OPCML: variants seen among roughly 807,000 people sequenced by gnomAD.
OPCML encodes the protein opioid binding protein/cell adhesion molecule like, also known as opioid-binding protein/cell adhesion molecule.
Under a neutral mutation model 37.8 loss-of-function variants are expected in OPCML, and 13 were observed. The observed-to-expected ratio is 0.34, with a 90% confidence interval of 0.22 to 0.55. The LOEUF (loss-of-function observed/expected upper bound fraction) is 0.55. OPCML is among the 20% of genes least tolerant of loss of function. The pLI, the probability that OPCML is intolerant of heterozygous loss-of-function variation, is 0.91. For missense variants in OPCML, 341 were observed against 435.6 expected (o/e 0.78, Z 1.93); for synonymous variants, 176 against 168.8 (o/e 1.04, Z -0.33).
chr11:133,378,985 G>A (rs1164480999), intron 1 of OPCML, among the ~76,000 whole-genome samples: 1 of 151,994 alleles, frequency 6.6e-6, no homozygotes, highest in African/African-American at 2.4e-5. Context: ...CCAAACTCCT[G>A]GCCTCAAGCA....
chr11:133,397,315 A>C (rs948835344), intron 1 of OPCML, among the ~76,000 whole-genome samples: 3 of 152,144 alleles, frequency 2.0e-5, no homozygotes, highest in Non-Finnish European at 4.4e-5. Flanking sequence ...TTTATCCATA[A>C]TTTTTTATTC....
In OPCML at chr11:132,452,543, G is replaced by T. The variant is rs1421605375; in HGVS notation, c.506-15184C>A. On this transcript the variant is annotated intron_variant, in intron 4 of 7. Coordinates refer to ENST00000524381, the MANE Select transcript of OPCML (RefSeq NM_001012393.5). The stretch of plus-strand genomic sequence containing the variant: ...CTTCCTTCTTTCAGCCTGCCTGCCT[G>T]CCTGCCTTCCTTTTTTCCTTCCTTC... Among the ~76,000 whole-genome samples, 44 of 136,358 alleles carry T rather than the reference G, an allele frequency of 3.2e-4. No homozygotes were observed. In the South Asian group the frequency reaches 1.0e-2, roughly 31 times the overall value. 89.5% of individuals were successfully genotyped at this position (136,358 alleles called of 152,430 possible).
chr11:132,818,019 G>A lies in OPCML; in HGVS notation c.146+124907C>T, dbSNP rs117486018. ...AAGAGGAGATAGACAGCTACAGACC[G>A]TGTTTAGAAAGCATAAACCTGGATA... On this transcript the variant is annotated intron_variant, in intron 2 of 7. Coordinates refer to ENST00000524381, the MANE Select transcript of OPCML (RefSeq NM_001012393.5). Among the ~76,000 whole-genome samples the A allele has an allele frequency of 1.1e-3, 163 of 152,198 alleles. 2 individuals are homozygous for A. The Middle Eastern group carries it at 0.014, about 13-fold the overall frequency.
intron 3 of OPCML, among the ~76,000 whole-genome samples, chr11:132,549,984 C>A (rs1565656263): frequency 6.6e-6 from 1 of 152,128 alleles, no homozygotes; most frequent in African/African-American, 2.4e-5. Context: ...CGATAACAAA[C>A]CCCAGGGTAT....
intron 1 of OPCML, among the ~76,000 whole-genome samples, chr11:133,357,769 A>G (rs1033993227): frequency 1.9e-4 from 29 of 152,130 alleles, no homozygotes; most frequent in African/African-American, 6.0e-4. Flanking sequence ...TCTAGGATTG[A>G]TCTTCTCATC....
intron 3 of OPCML, among the ~76,000 whole-genome samples, chr11:132,545,809 T>C (rs2096367370): frequency 6.6e-6 from 1 of 152,238 alleles, no homozygotes; most frequent in Non-Finnish European, 1.5e-5. Context: ...GTATCATAGT[T>C]TATCTAACTA....
At chr11:133,286,049 GAGACAAGTCAGGGTGTTCAAGGGC>G (rs1415336689) in intron 1 of OPCML, among the ~76,000 whole-genome samples, 8 of 151,942 alleles carry the variant, frequency 5.3e-5, no homozygotes, top group Non-Finnish European at 1.0e-4. Flanking sequence ...TTGAAAGGGG[GAGACAAGTCAGGGTGTTCAAGGGC>G]AGGTAGACTT....
chr11:132,964,183 T>A (rs1459649697), intron 1 of OPCML, among the ~76,000 whole-genome samples: 1 of 152,148 alleles, frequency 6.6e-6, no homozygotes, highest in African/African-American at 2.4e-5. Context: ...GAAGGATATA[T>A]AAGTAAAAGA....
In OPCML at chr11:132,913,625, T is replaced by C. The variant is rs185189109; in HGVS notation, c.146+29301A>G. Among the ~76,000 whole-genome samples, 253 of 152,266 alleles carry C rather than the reference T, an allele frequency of 1.7e-3. 2 individuals are homozygous for C. The highest frequency in any genetic ancestry group is 5.8e-3 in the African/African-American group (241 of 41,570). On this transcript the variant is annotated intron_variant, in intron 2 of 7. Coordinates refer to ENST00000524381, the MANE Select transcript of OPCML (RefSeq NM_001012393.5). ...CGACTCTCAGTCCAGTATAGTGCCG[T>C]GGGCCTCCAAAGGTTGCACAGCTCA...
At chr11:132,441,271 C>A (rs2096033695) in intron 4 of OPCML, among the ~76,000 whole-genome samples, 1 of 143,748 alleles carries the variant, frequency 7.0e-6, no homozygotes, top group Non-Finnish European at 1.5e-5. Flanking sequence ...GGGTTCACGC[C>A]ATTCTCCTGC....
chr11:133,338,412 C>T lies in OPCML; in HGVS notation c.61+193852G>A, dbSNP rs548846212. 9.9e-5 allele frequency among the ~76,000 whole-genome samples: 15 copies of T among 152,216 alleles called. No individual in the cohort carries two copies. In the East Asian group the frequency reaches 2.3e-3, roughly 24 times the overall value. On this transcript the variant is annotated intron_variant, in intron 1 of 7. Transcript: ENST00000524381. Reference sequence around the variant, plus strand: ...GCTGTCTGGGATACCATGCTGCAGACGAAAGGGAATTAAGGTGGAGGGGGT... The same window carrying T: ...GCTGTCTGGGATACCATGCTGCAGATGAAAGGGAATTAAGGTGGAGGGGGT...
intron 1 of OPCML, among the ~76,000 whole-genome samples, chr11:133,216,540 C>T (rs1939593270): frequency 6.6e-6 from 1 of 152,168 alleles, no homozygotes. Flanking sequence ...CTGTATCTGC[C>T]ATTGATCACC....
chr11:133,353,585 A>G (rs1033410832), intron 1 of OPCML, among the ~76,000 whole-genome samples: 5 of 152,208 alleles, frequency 3.3e-5, no homozygotes, highest in African/African-American at 9.6e-5. Context: ...GAAAGGAATC[A>G]GTCTGTTCAA....
At chr11:132,779,454 T>C (rs1946921431) in intron 2 of OPCML, among the ~76,000 whole-genome samples, 1 of 151,976 alleles carries the variant, frequency 6.6e-6, no homozygotes, top group African/African-American at 2.4e-5. Flanking sequence ...GTGTTCATAT[T>C]GGAATGGAAA....
In OPCML at chr11:132,963,751, A is replaced by ATAT. The variant is rs59566577; in HGVS notation, c.62-20744_62-20742dup. 7.2e-4 allele frequency among the ~76,000 whole-genome samples: 109 copies of ATAT among 151,348 alleles called. 1 individual carries two copies. The highest frequency in any genetic ancestry group is 1.8e-3 in the African/African-American group (75 of 41,274). ...AGCTCTTCTTCCTATCCGTATTACG[A>ATAT]TATTATTATTATTATTATTAATTGT... On this transcript the variant is annotated intron_variant, in intron 1 of 7. Transcript: ENST00000524381.
rs1302610199 is a variant in OPCML, at chr11:132,943,883, C to T, written c.62-873G>A. 4 of 151,404 alleles carry T rather than the reference C, an allele frequency of 2.6e-5. No individual in the cohort carries two copies. Among genetic ancestry groups the T allele is most frequent in the African/African-American group, 9.7e-5 (4 of 41,342 alleles). 9.4% of individuals were successfully genotyped at this position (151,404 alleles called of 1,614,324 possible). ...GCTCAGCGGCCGCCCCCGGCCTCCG[C>T]GCCGCCTTCCTCCCGGGAGCAGCCC... On this transcript the variant is annotated intron_variant, in intron 1 of 7. Coordinates refer to ENST00000524381, the MANE Select transcript of OPCML (RefSeq NM_001012393.5). The surrounding 1 kb of genome is among the most constrained non-coding windows in gnomAD (Gnocchi z 4.3).
chr11:132,878,709 ATCTG>A (rs577261727), intron 2 of OPCML, among the ~76,000 whole-genome samples: 196 of 149,346 alleles, frequency 1.3e-3, no homozygotes, highest in Non-Finnish European at 2.2e-3. Flanking sequence ...GAGAGTGTCT[ATCTG>A]TCTATCTATC....
rs146884367 is a variant in OPCML, at chr11:132,459,387, TTCTC to T, written c.506-22032_506-22029del. Reference sequence around the variant, plus strand: ...GTAATCATCACATGAGCCAATTCCTTTCTCTCTCTCTCTCTCTCTTCACACATAC... The same window carrying T: ...GTAATCATCACATGAGCCAATTCCTTTCTCTCTCTCTCTCTTCACACATAC... On this transcript the variant is annotated intron_variant, in intron 4 of 7. Coordinates refer to ENST00000524381, the MANE Select transcript of OPCML (RefSeq NM_001012393.5). Among the ~76,000 whole-genome samples, 222 of 143,142 alleles carry T rather than the reference TTCTC, an allele frequency of 1.6e-3. 1 individual carries two copies. The highest frequency in any genetic ancestry group is 5.1e-3 in the African/African-American group (197 of 38,554). The allele number at this position is 143,142 out of a possible 152,430, so 93.9% of individuals were successfully genotyped here. A position where few individuals can be genotyped will look rare whatever the true frequency, so the allele number is the denominator to read the frequency against.
intron 1 of OPCML, among the ~76,000 whole-genome samples, chr11:133,473,163 A>T (rs1947154820): frequency 6.6e-6 from 1 of 151,910 alleles, no homozygotes; most frequent in South Asian, 2.1e-4. Context: ...CTGGAACTTG[A>T]CTTTGACCTC....
Sources: allele counts gnomAD v4.1 joint callset (sites outside exome capture counted in the v4.1 genomes callset), GRCh38; gene constraint gnomAD v4.1.1; non-coding constraint Gnocchi (gnomAD v3.1); transcripts MANE v1.5; gene names NCBI Gene and HGNC (gene_info 2026-07-23, HGNC 2026-07-21).